The following CALD1 variants were observed in gnomAD, a reference collection of about 807,000 sequenced individuals.
CALD1 encodes caldesmon.
A neutral mutation model predicts 99.9 loss-of-function variants in CALD1; 33 were observed. The observed-to-expected ratio is 0.33, with a 90% CI of 0.25 to 0.44. CALD1 has a LOEUF of 0.44. CALD1 is among the 20% of genes least tolerant of loss of function. The probability of loss-of-function intolerance (pLI) is 1.00; values close to 1 mark genes in which losing one functional copy is unlikely to be tolerated. For missense variants in CALD1, 861 were observed against 962.1 expected (o/e 0.89, Z 1.39); for synonymous variants, 310 against 325.0 (o/e 0.95, Z 0.50).
chr7:134,945,905 AGCTGC>A (rs1806825851), intron 7 of CALD1, among the ~76,000 whole-genome samples: 1 of 152,222 alleles, frequency 6.6e-6, no homozygotes, highest in Non-Finnish European at 1.5e-5. Flanking sequence ...GCCAGAGATC[AGCTGC>A]TAGAGTCAAG....
intron 3 of CALD1, among the ~76,000 whole-genome samples, chr7:134,920,295 A>G (rs1008916586): frequency 1.6e-5 from 2 of 125,636 alleles, no homozygotes; most frequent in African/African-American, 2.5e-5. Context: ...GGTACATGAA[A>G]AAGAATAATG....
chr7:134,719,533 T>C, the CALD1 span, among the ~76,000 whole-genome samples: 1 of 152,050 alleles, frequency 6.6e-6, no homozygotes, highest in Non-Finnish European at 1.5e-5. Flanking sequence ...AATGGGGCAG[T>C]CATCATTGTC....
chr7:134,756,956 C>G (rs1796735582), intron 1 of CALD1, among the ~76,000 whole-genome samples: 1 of 152,204 alleles, frequency 6.6e-6, no homozygotes, highest in South Asian at 2.1e-4. Flanking sequence ...AAAACCGCCA[C>G]TTACGCTCAT....
At chr7:134,853,271 AG>A (rs1302701849) in intron 2 of CALD1, among the ~76,000 whole-genome samples, 3 of 152,210 alleles carry the variant, frequency 2.0e-5, no homozygotes, top group Non-Finnish European at 4.4e-5. Flanking sequence ...CCACCTATTT[AG>A]GAGAGAGAAG....
In CALD1 at chr7:134,753,881, T is replaced by C. The variant is rs377502976; in HGVS notation, c.-130+9518T>C. Among the ~76,000 whole-genome samples, 81 of 152,318 alleles carry C rather than the reference T, an allele frequency of 5.3e-4. No homozygotes were observed. The East Asian group carries it at 0.013, about 24-fold the overall frequency. ...AGAAATTTGTATTTCCTTCTGAGTA[T>C]TTGCCCACTCTGTTGCAAACTCTGG... On this transcript the variant is annotated intron_variant, in intron 1 of 13. Coordinates refer to the CALD1 transcript ENST00000417172.
chr7:134,779,574 T>A (rs181477680), upstream of CALD1: 209 of 398,194 alleles, frequency 5.2e-4, no homozygotes, highest in South Asian at 1.3e-4. Context: ...ATGTGTTCAC[T>A]TAGCATGGAC....
At chr7:134,778,731 G>A (rs150087650), upstream of CALD1, among the ~76,000 whole-genome samples, 331 of 152,248 alleles carry the variant, frequency 2.2e-3, 2 homozygotes, top group African/African-American at 7.7e-3. Flanking sequence ...TCACCTCTGC[G>A]GGATATATGC....
intron 1 of CALD1, among the ~76,000 whole-genome samples, chr7:134,799,680 C>T (rs577365065): frequency 4.6e-5 from 7 of 152,224 alleles, no homozygotes; most frequent in African/African-American, 1.4e-4. Context: ...AAAGCAAACA[C>T]GTGTCATTCG....
chr7:134,817,638 T>C (rs551601756), intron 1 of CALD1, among the ~76,000 whole-genome samples: 2 of 152,322 alleles, frequency 1.3e-5, no homozygotes, highest in Admixed American at 6.5e-5. Context: ...ATCATTTTTA[T>C]AAATCCCAAC....
chr7:134,941,246 T>C lies in CALD1; in HGVS notation c.1532+9T>C, dbSNP rs375762947. The C allele has an allele frequency of 3.2e-6, 5 of 1,573,184 alleles. No individual in the cohort carries two copies. The highest frequency in any genetic ancestry group is 4.3e-6 in the Non-Finnish European group (5 of 1,164,262). ...ACTGAGAATACTTTCAGGTAAGAAGTAGCAACTAGTTAATAGAAACTGTGT... is the reference window on the plus strand; with the variant it reads ...ACTGAGAATACTTTCAGGTAAGAAGCAGCAACTAGTTAATAGAAACTGTGT... On this transcript the variant is annotated intron_variant, in intron 7 of 14. Transcript: ENST00000361675.
At chr7:134,920,867 G>A in intron 3 of CALD1, 1 of 390,300 alleles carries the variant, frequency 2.6e-6, no homozygotes. Context: ...AAACAGACTT[G>A]GAAACTTTGA....
At chr7:134,735,291 CTTGA>C in the CALD1 span, among the ~76,000 whole-genome samples, 2 of 152,104 alleles carry the variant, frequency 1.3e-5, no homozygotes. Flanking sequence ...TTGAATAGCA[CTTGA>C]TTCAAAATGT....
chr7:134,729,783 G>A, the CALD1 span, among the ~76,000 whole-genome samples: 318 of 152,370 alleles, frequency 2.1e-3, 2 homozygotes, highest in African/African-American at 7.3e-3. Flanking sequence ...AGCTTTGAGT[G>A]ATGCTTAAGG....
intron 6 of CALD1, among the ~76,000 whole-genome samples, chr7:134,936,910 G>A (rs1482104632): frequency 6.6e-6 from 1 of 152,164 alleles, no homozygotes; most frequent in Non-Finnish European, 1.5e-5. Flanking sequence ...GCTCTCATGA[G>A]GCAGTCAAGG....
chr7:134,855,948 G>T (rs1049035516), intron 2 of CALD1, among the ~76,000 whole-genome samples: 7 of 152,188 alleles, frequency 4.6e-5, no homozygotes, highest in African/African-American at 1.4e-4. Flanking sequence ...TTTCTTTGTA[G>T]ATATTGTCAG....
the CALD1 span, among the ~76,000 whole-genome samples, chr7:134,737,314 A>T: frequency 6.6e-6 from 1 of 151,502 alleles, no homozygotes; most frequent in East Asian, 2.0e-4. Flanking sequence ...TTTTTTGTAG[A>T]GGCGGGGTTT....
At chr7:134,888,152 A>T (rs1801969337) in intron 3 of CALD1, among the ~76,000 whole-genome samples, 1 of 152,200 alleles carries the variant, frequency 6.6e-6, no homozygotes, top group South Asian at 2.1e-4. Context: ...AAACCTTCCC[A>T]GCCCAGAATC....
At chr7:134,712,596 A>C in the CALD1 span, among the ~76,000 whole-genome samples, 28,139 of 152,222 alleles carry the variant, frequency 0.18, 2,664 homozygotes, top group African/African-American at 0.24. Context: ...TAGACACTAA[A>C]GATGGTGGGT....
At position 134,958,373 on chromosome 7, in the gene CALD1, A is replaced by G. The variant is rs187380455; in HGVS notation, c.2061+83A>G. 109 of 1,104,466 alleles carry G rather than the reference A, an allele frequency of 9.9e-5. 1 individual carries two copies. The Admixed American group carries it at 1.7e-3, about 17-fold the overall frequency. 68.4% of individuals were successfully genotyped at this position (1,104,466 alleles called of 1,614,324 possible). On this transcript the variant is annotated intron_variant, in intron 11 of 14. Coordinates refer to ENST00000361675, the MANE Select transcript of CALD1 (RefSeq NM_033138.4). ...AGAAGAGCATAAAAACACTTAGGAC[A>G]ATAATCAAGTCCAATAGCCCCAGGA...
Sources: allele counts gnomAD v4.1 joint callset (sites outside exome capture counted in the v4.1 genomes callset), GRCh38; gene constraint gnomAD v4.1.1; transcripts MANE v1.5; gene names NCBI Gene and HGNC (gene_info 2026-07-23, HGNC 2026-07-21).